The following TTC33 variants were observed in gnomAD, a reference collection of about 807,000 sequenced individuals.
TTC33 encodes the protein tetratricopeptide repeat domain 33.
A neutral mutation model predicts 29.4 loss-of-function variants in TTC33; 24 were observed. The ratio of observed to expected loss-of-function variants is 0.82; its 90% CI spans 0.59 to 1.15. The LOEUF is 1.15. Among genes scored for constraint, TTC33 ranks in the 50% most tolerant of loss-of-function variants. The pLI is 0.00. For synonymous variants in TTC33, 107 were observed against 100.3 expected, an observed-to-expected ratio of 1.07 and a Z score of -0.40; for missense variants, 286 against 310.4, an observed-to-expected ratio of 0.92 and a Z score of 0.59.
rs189207367 is a variant in TTC33, at chr5:40,718,057, C to T, written c.436-1559G>A. The stretch of plus-strand genomic sequence containing the variant: ...AGCCTGGGCAACAAGAGCGAAACTC[C>T]GTCTCAAAAAAAAAAAAGATTGCAC... On this transcript the variant is annotated intron_variant, in intron 4 of 4. Transcript: ENST00000337702. Among the ~76,000 whole-genome samples the T allele has an allele frequency of 5.4e-3, 804 of 149,670 alleles. 8 individuals carry two copies. The highest frequency in any genetic ancestry group is 0.018 in the African/African-American group (751 of 40,660).
At chr5:40,741,390 C>T (rs1000423515) in intron 2 of TTC33, among the ~76,000 whole-genome samples, 3 of 152,190 alleles carry the variant, frequency 2.0e-5, no homozygotes, top group Non-Finnish European at 2.9e-5. Flanking sequence ...TTGAATAGCT[C>T]TCCGCTCTGT....
chr5:40,755,163 GGCGCT>G (rs1742962090), intron 1 of TTC33, among the ~76,000 whole-genome samples: 1 of 152,152 alleles, frequency 6.6e-6, no homozygotes, highest in Non-Finnish European at 1.5e-5. Flanking sequence ...CCCTATAGTA[GGCGCT>G]CAACAACTGG....
At chr5:40,752,194 A>C (rs1742908422) in intron 1 of TTC33, among the ~76,000 whole-genome samples, 1 of 152,254 alleles carries the variant, frequency 6.6e-6, no homozygotes, top group Non-Finnish European at 1.5e-5. Flanking sequence ...AACTTGCTCT[A>C]AATGAGGCTC....
At chr5:40,728,572 TC>T in intron 3 of TTC33, 96 bp from the exon 4 acceptor site, 1 of 1,228,866 alleles carries the variant, frequency 8.1e-7, no homozygotes, top group Non-Finnish European at 1.1e-6. Context: ...ATATTTTTAG[TC>T]CAGTAAAAAT....
At chr5:40,740,957 A>G (rs1365510190) in intron 2 of TTC33, among the ~76,000 whole-genome samples, 1 of 150,116 alleles carries the variant, frequency 6.7e-6, no homozygotes, top group Non-Finnish European at 1.5e-5. Context: ...CTTCCATTTC[A>G]CTCCTCATTA....
intron 4 of TTC33, among the ~76,000 whole-genome samples, chr5:40,718,337 C>T (rs1298177312): frequency 6.6e-6 from 1 of 152,054 alleles, no homozygotes; most frequent in African/African-American, 2.4e-5. Context: ...ACCCCGGAGG[C>T]AGAGGTTACA....
chr5:40,738,268 C>A (rs557288357), intron 2 of TTC33, among the ~76,000 whole-genome samples: 1 of 151,524 alleles, frequency 6.6e-6, no homozygotes, highest in Admixed American at 6.6e-5. Flanking sequence ...AAAAATTAGC[C>A]AGGCATAGAG....
In TTC33 at chr5:40,733,236, A is replaced by G. The variant is rs1047772218; in HGVS notation, c.222-2893T>C. Among the ~76,000 whole-genome samples, 7 of 152,288 alleles carry G rather than the reference A, an allele frequency of 4.6e-5. No individual in the cohort carries two copies. In the East Asian group the frequency reaches 5.8e-4, roughly 13 times the overall value. On this transcript the variant is annotated intron_variant, in intron 2 of 4. Transcript: ENST00000337702. ...TAAGAACCTGGATGTTTGAGGTTTC[A>G]GGAGTCTTTGACAGCTTTTGAGGAA...
At chr5:40,746,373 C>T (rs960378486) in intron 2 of TTC33, among the ~76,000 whole-genome samples, 2 of 152,074 alleles carry the variant, frequency 1.3e-5, no homozygotes, top group Non-Finnish European at 2.9e-5. Flanking sequence ...CAAAGAATAA[C>T]TAAATACCTA....
intron 2 of TTC33, among the ~76,000 whole-genome samples, chr5:40,741,021 C>T (rs171605): frequency 0.69 from 104,764 of 152,014 alleles, 36,139 homozygotes; most frequent in East Asian, 0.8. Flanking sequence ...TTTAATCTCT[C>T]TGTCCACTAC....
At chr5:40,720,288 C>T (rs1399024497) in intron 4 of TTC33, among the ~76,000 whole-genome samples, 1 of 152,182 alleles carries the variant, frequency 6.6e-6, no homozygotes, top group Non-Finnish European at 1.5e-5. Context: ...TGCCTCAGCA[C>T]CATTTGCTGA....
intron 2 of TTC33, among the ~76,000 whole-genome samples, chr5:40,744,014 C>T (rs1269700288): frequency 3.9e-5 from 6 of 152,138 alleles, no homozygotes; most frequent in African/African-American, 1.4e-4. Context: ...AGAGGGAATC[C>T]GATGGCAATA....
At chr5:40,720,286 C>A (rs1168175565) in intron 4 of TTC33, among the ~76,000 whole-genome samples, 1 of 152,180 alleles carries the variant, frequency 6.6e-6, no homozygotes, top group African/African-American at 2.4e-5. Flanking sequence ...ACTGCCTCAG[C>A]ACCATTTGCT....
chr5:40,733,291 A>G (rs1742476840), intron 2 of TTC33, among the ~76,000 whole-genome samples: 1 of 152,168 alleles, frequency 6.6e-6, no homozygotes, highest in South Asian at 2.1e-4. Context: ...CTCTAGAGCA[A>G]GGGGTGGCAT....
At chr5:40,742,002 A>G (rs1742705340) in intron 2 of TTC33, among the ~76,000 whole-genome samples, 1 of 152,136 alleles carries the variant, frequency 6.6e-6, no homozygotes. Flanking sequence ...AAAAAAGAAA[A>G]AAAAGAAATT....
intron 4 of TTC33, among the ~76,000 whole-genome samples, chr5:40,717,823 G>C (rs1742034193): frequency 6.6e-6 from 1 of 152,008 alleles, no homozygotes; most frequent in African/African-American, 2.4e-5. Context: ...CAGCACTCTG[G>C]GAGGTCAAGG....
intron 1 of TTC33, among the ~76,000 whole-genome samples, chr5:40,748,361 T>C (rs1185934124): frequency 6.6e-6 from 1 of 152,152 alleles, no homozygotes; most frequent in Non-Finnish European, 1.5e-5. Flanking sequence ...AATGCCCTTC[T>C]AATTTTATAT....
At chr5:40,746,580 G>A (rs1381162398) in intron 2 of TTC33, among the ~76,000 whole-genome samples, 1 of 152,090 alleles carries the variant, frequency 6.6e-6, no homozygotes, top group Non-Finnish European at 1.5e-5. Context: ...TTAGCATCCT[G>A]AAAACTATTT....
At chr5:40,726,588 A>G (rs1742293861) in intron 4 of TTC33, among the ~76,000 whole-genome samples, 1 of 147,042 alleles carries the variant, frequency 6.8e-6, no homozygotes, top group African/African-American at 2.5e-5. Flanking sequence ...AGAATTTCAC[A>G]GTATTAATGA....
Sources: gnomAD v4.1 joint callset for allele counts (sites outside exome capture counted in the v4.1 genomes callset) on GRCh38, gnomAD v4.1.1 for gene constraint, MANE v1.5 for transcripts, NCBI Gene and HGNC (gene_info 2026-07-23, HGNC 2026-07-21) for gene names.